The following IL1RAPL2 variants were observed in gnomAD, a reference collection of about 807,000 sequenced individuals.
The protein encoded by IL1RAPL2 is X-linked interleukin-1 receptor accessory protein-like 2.
Under a neutral mutation model 44.1 loss-of-function variants are expected in IL1RAPL2, and 3 were observed. The ratio of observed to expected loss-of-function variants is 0.07; its 90% CI spans 0.03 to 0.18. The LOEUF (loss-of-function observed/expected upper bound fraction) is 0.18, where lower values mean the gene tolerates loss of function less well. Ranked by LOEUF, IL1RAPL2 falls within the 10% of genes least tolerant of loss-of-function variation. The pLI is 1.00. For synonymous variants in IL1RAPL2, 181 were observed against 178.8 expected, an observed-to-expected ratio of 1.01 and a Z score of -0.10; for missense variants, 391 against 496.4, an observed-to-expected ratio of 0.79 and a Z score of 2.02.
At chrX:105,732,220 A>T in intron 7 of IL1RAPL2, among the ~76,000 whole-genome samples, 1 of 109,286 alleles carries the variant, frequency 9.2e-6, no homozygotes, top group Non-Finnish European at 1.9e-5. Flanking sequence ...GTTTTAATTG[A>T]GCATTTTATA....
At chrX:105,669,274 C>A (rs1472526952) in intron 6 of IL1RAPL2, among the ~76,000 whole-genome samples, 1 of 111,698 alleles carries the variant, frequency 9.0e-6, no homozygotes, top group Non-Finnish European at 1.9e-5. Context: ...ATTTCTCATT[C>A]ATTACGCTTT....
At chrX:105,196,705 G>A (rs1452317855) in intron 3 of IL1RAPL2, among the ~76,000 whole-genome samples, 1 of 111,301 alleles carries the variant, frequency 9.0e-6, no homozygotes, top group Non-Finnish European at 1.9e-5. Context: ...GGATTCTACA[G>A]TATGTTCTCC....
At chrX:105,478,991 C>T (rs968097851) in intron 5 of IL1RAPL2, among the ~76,000 whole-genome samples, 11 of 111,754 alleles carry the variant, frequency 9.8e-5, no homozygotes, top group African/African-American at 3.6e-4. Flanking sequence ...TGTCATGAAC[C>T]AAATGGGTGG....
At chrX:104,946,401 A>AAAAAAAAAAAC (rs1925359839) in intron 2 of IL1RAPL2, among the ~76,000 whole-genome samples, 1 of 95,853 alleles carries the variant, frequency 1.0e-5, no homozygotes, top group East Asian at 3.2e-4. Context: ...AAAAAAAAAA[A>AAAAAAAAAAAC]AAAAAAAACT....
chrX:104,627,139 G>A (rs1042404030), intron 1 of IL1RAPL2, among the ~76,000 whole-genome samples: 7 of 109,903 alleles, frequency 6.4e-5, no homozygotes, highest in Non-Finnish European at 9.5e-5. Context: ...TTGGACAGTC[G>A]AGAACTGATT....
chrX:105,188,622 A>C (rs1384179240), intron 2 of IL1RAPL2, among the ~76,000 whole-genome samples: 1 of 111,917 alleles, frequency 8.9e-6, no homozygotes, highest in Non-Finnish European at 1.9e-5. Flanking sequence ...CAATGAGATG[A>C]AGGACTTCAT....
intron 2 of IL1RAPL2, among the ~76,000 whole-genome samples, chrX:104,845,764 A>G (rs1194017328): frequency 1.8e-5 from 2 of 111,610 alleles, no homozygotes; most frequent in African/African-American, 3.3e-5. Flanking sequence ...GATTATGACA[A>G]TTTTCACATT....
intron 5 of IL1RAPL2, among the ~76,000 whole-genome samples, chrX:105,341,856 G>C (rs1274925012): frequency 9.0e-6 from 1 of 110,888 alleles, no homozygotes; most frequent in African/African-American, 3.3e-5. Flanking sequence ...GCATGAACCT[G>C]GGAGGCGGAG....
intron 4 of IL1RAPL2, among the ~76,000 whole-genome samples, chrX:105,238,483 A>G (rs1290860571): frequency 5.4e-5 from 6 of 111,124 alleles, no homozygotes; most frequent in African/African-American, 2.0e-4. Context: ...AGGTGTGAAC[A>G]AGGACTTCAG....
intron 2 of IL1RAPL2, among the ~76,000 whole-genome samples, chrX:104,918,745 C>T (rs985894177): frequency 3.6e-5 from 4 of 111,785 alleles, no homozygotes; most frequent in African/African-American, 6.5e-5. Context: ...GTAAAATTAA[C>T]GGAGGCAAAA....
chrX:104,765,611 TG>T (rs1352697246), intron 2 of IL1RAPL2, among the ~76,000 whole-genome samples: 1 of 111,963 alleles, frequency 8.9e-6, no homozygotes, highest in African/African-American at 3.2e-5. Context: ...AAAAATAACT[TG>T]TATTTTAGAT....
chrX:104,689,319 C>A (rs1931047758), intron 2 of IL1RAPL2, among the ~76,000 whole-genome samples: 1 of 111,395 alleles, frequency 9.0e-6, no homozygotes. Flanking sequence ...GGTCCTGCAA[C>A]CAAATGAGGC....
intron 6 of IL1RAPL2, among the ~76,000 whole-genome samples, chrX:105,570,021 T>C (rs771602781): frequency 1.8e-5 from 2 of 111,418 alleles, no homozygotes; most frequent in Non-Finnish European, 3.8e-5. Context: ...TTTGGTTACA[T>C]GGATAAGTTC....
intron 2 of IL1RAPL2, among the ~76,000 whole-genome samples, chrX:105,115,570 GGTGT>G (rs2032847458): frequency 8.9e-6 from 1 of 112,067 alleles, no homozygotes; most frequent in African/African-American, 3.2e-5. Context: ...AGTGCTGATT[GGTGT>G]ATTTAAAAAA....
At chrX:104,702,264 G>A (rs1393281427) in intron 2 of IL1RAPL2, among the ~76,000 whole-genome samples, 1 of 111,505 alleles carries the variant, frequency 9.0e-6, no homozygotes, top group African/African-American at 3.3e-5. Context: ...TCTTCATGAT[G>A]TCAGGAAGAG....
chrX:104,932,915 T>C (rs1231472309), intron 2 of IL1RAPL2, among the ~76,000 whole-genome samples: 1 of 112,030 alleles, frequency 8.9e-6, no homozygotes, highest in Non-Finnish European at 1.9e-5. Flanking sequence ...ATGCTAACTC[T>C]GAAAAACGGG....
At chrX:104,882,668 G>A (rs1411235072) in intron 2 of IL1RAPL2, among the ~76,000 whole-genome samples, 2 of 111,841 alleles carry the variant, frequency 1.8e-5, no homozygotes, top group African/African-American at 6.5e-5. Context: ...AGCAGGACGT[G>A]GATGGGGCCA....
intron 5 of IL1RAPL2, among the ~76,000 whole-genome samples, chrX:105,479,629 C>T (rs1456849960): frequency 9.1e-6 from 1 of 109,825 alleles, no homozygotes; most frequent in African/African-American, 3.3e-5. Flanking sequence ...ATCCCAGCTA[C>T]TCCAGAGGCT....
At chrX:104,919,216 TTTTC>T (rs1312468563) in intron 2 of IL1RAPL2, among the ~76,000 whole-genome samples, 1 of 37,990 alleles carries the variant, frequency 2.6e-5, no homozygotes, top group African/African-American at 6.5e-5. Flanking sequence ...CTTGGGCACT[TTTTC>T]TTTCTTTTTT....
Sources: gnomAD v4.1 joint callset for allele counts (sites outside exome capture counted in the v4.1 genomes callset) on GRCh38, gnomAD v4.1.1 for gene constraint, MANE v1.5 for transcripts, NCBI Gene and HGNC (gene_info 2026-07-23, HGNC 2026-07-21) for gene names.